ZSCAN5A: variants seen among roughly 807,000 people sequenced by gnomAD.
The protein encoded by ZSCAN5A is zinc finger and SCAN domain-containing protein 5A.
In ZSCAN5A, 12 loss-of-function variants were observed where a neutral mutation model predicts 23.7. The ratio of observed to expected loss-of-function variants is 0.51; its 90% CI spans 0.32 to 0.82. The LOEUF is 0.82. Ranked by LOEUF, ZSCAN5A falls within the 40% of genes least tolerant of loss-of-function variation. The pLI is 0.03. For missense variants in ZSCAN5A, 597 were observed against 617.9 expected, an observed-to-expected ratio of 0.97 and a Z score of 0.36; for synonymous variants, 257 against 239.9, an observed-to-expected ratio of 1.07 and a Z score of -0.66.
At chr19:56,346,049 G>A (rs1357565667) in intron 2 of ZSCAN5A, among the ~76,000 whole-genome samples, 2 of 151,650 alleles carry the variant, frequency 1.3e-5, no homozygotes, top group East Asian at 1.9e-4. Context: ...ACTATGTCAC[G>A]TTCCTCATGC....
chr19:56,269,225 C>T (rs1381977812), intron 2 of ZSCAN5A, among the ~76,000 whole-genome samples: 10 of 152,146 alleles, frequency 6.6e-5, no homozygotes, highest in Admixed American at 6.5e-4. Flanking sequence ...AGGGGCTATA[C>T]CAATTTACAT....
chr19:56,338,576 G>C (rs1429630749), intron 2 of ZSCAN5A: 1 of 152,268 alleles, frequency 6.6e-6, no homozygotes, highest in East Asian at 1.9e-4. Context: ...AAGGTCCCCA[G>C]AACCAAGAAG....
chr19:56,304,779 T>G, intron 2 of ZSCAN5A: 1 of 985,200 alleles, frequency 1.0e-6, no homozygotes, highest in Non-Finnish European at 1.2e-6. Context: ...CCCAGTTCAC[T>G]TTTTCCTCCC....
rs186701530 is a variant in ZSCAN5A, at chr19:56,350,997, C to T, written c.-358+12238G>A. ...GGAGAAGGCCCAATTGCTGTCCCCC[C>T]CCAACCACACGCCCCTTTTCAGCAG... On this transcript the variant is annotated intron_variant, in intron 2 of 6. Transcript: ENST00000587340. Among the ~76,000 whole-genome samples the T allele has an allele frequency of 1.3e-3, 191 of 152,050 alleles. 1 individual carries two copies. Among genetic ancestry groups the T allele is most frequent in the Middle Eastern group, 3.4e-3 (1 of 294 alleles).
At chr19:56,226,879 C>T (rs759793700) in intron 2 of ZSCAN5A, among the ~76,000 whole-genome samples, 2 of 151,938 alleles carry the variant, frequency 1.3e-5, no homozygotes, top group African/African-American at 2.4e-5. Flanking sequence ...TATACTCATG[C>T]AACAAATCTG....
chr19:56,335,410 AG>A (rs2041526026), intron 2 of ZSCAN5A, among the ~76,000 whole-genome samples: 1 of 152,148 alleles, frequency 6.6e-6, no homozygotes, highest in Non-Finnish European at 1.5e-5. Context: ...CAACCTAGCT[AG>A]CCAGGCCAAC....
chr19:56,261,657 C>G (rs1473922871), intron 2 of ZSCAN5A, among the ~76,000 whole-genome samples: 1 of 151,878 alleles, frequency 6.6e-6, no homozygotes, highest in Non-Finnish European at 1.5e-5. Context: ...CAAAATACAA[C>G]TGAAAAGTGT....
chr19:56,221,502 G>A lies in ZSCAN5A; in HGVS notation c.*73C>T. The A allele has an allele frequency of 6.6e-7, 1 of 1,513,308 alleles. No homozygotes were observed. The allele number at this position is 1,513,308 out of a possible 1,614,324, so 93.7% of individuals were successfully genotyped here. A position where few individuals can be genotyped will look rare whatever the true frequency, so the allele number is the denominator to read the frequency against. On this transcript the variant is annotated 3_prime_UTR_variant, in exon 6 of 6. Coordinates refer to ENST00000683990, the MANE Select transcript of ZSCAN5A (RefSeq NM_001322064.3). Reference sequence around the variant, plus strand: ...TCAGACGCCCTTGCATGTGTCAAATGTCATCTGATAACATTGATGAAAAAT... The same window carrying A: ...TCAGACGCCCTTGCATGTGTCAAATATCATCTGATAACATTGATGAAAAAT...
At chr19:56,304,316 C>T (rs940038287) in intron 2 of ZSCAN5A, among the ~76,000 whole-genome samples, 2 of 152,180 alleles carry the variant, frequency 1.3e-5, no homozygotes, top group Admixed American at 6.5e-5. Context: ...ACAGTGACTT[C>T]AGTTATGCTA....
intron 2 of ZSCAN5A, among the ~76,000 whole-genome samples, chr19:56,332,118 A>G (rs2041495265): frequency 6.6e-6 from 1 of 152,188 alleles, no homozygotes; most frequent in African/African-American, 2.4e-5. Flanking sequence ...TTCCATGTGC[A>G]GATGAGAAGA....
At chr19:56,263,877 T>C (rs2037290666) in intron 2 of ZSCAN5A, among the ~76,000 whole-genome samples, 1 of 152,116 alleles carries the variant, frequency 6.6e-6, no homozygotes, top group Non-Finnish European at 1.5e-5. Flanking sequence ...TTATATGCTA[T>C]ACATATTGCT....
intron 2 of ZSCAN5A, among the ~76,000 whole-genome samples, chr19:56,256,833 T>G (rs2036731114): frequency 6.6e-6 from 1 of 151,722 alleles, no homozygotes; most frequent in African/African-American, 2.4e-5. Context: ...GCAGAAGAAA[T>G]GTTTGAGAAG....
chr19:56,274,265 C>T (rs912803105), intron 2 of ZSCAN5A, among the ~76,000 whole-genome samples: 1 of 152,006 alleles, frequency 6.6e-6, no homozygotes, highest in Non-Finnish European at 1.5e-5. Context: ...ACCAGCCTGG[C>T]CAACATGGCG....
intron 2 of ZSCAN5A, among the ~76,000 whole-genome samples, chr19:56,255,259 G>A (rs1307987186): frequency 6.6e-5 from 10 of 152,058 alleles, no homozygotes; most frequent in African/African-American, 2.4e-4. Flanking sequence ...AATACACAAA[G>A]TGATATATAA....
At chr19:56,302,319 T>TC (rs1158862724) in intron 2 of ZSCAN5A, among the ~76,000 whole-genome samples, 4 of 127,326 alleles carry the variant, frequency 3.1e-5, no homozygotes, top group Admixed American at 8.3e-5. Flanking sequence ...TCTCCCTCCC[T>TC]CCCTCCCCTT....
intron 2 of ZSCAN5A, among the ~76,000 whole-genome samples, chr19:56,261,361 A>ATCT (rs1026160872): frequency 6.6e-6 from 1 of 152,196 alleles, no homozygotes; most frequent in African/African-American, 2.4e-5. Flanking sequence ...TAGAACAGGC[A>ATCT]TCTAATCTGC....
At chr19:56,340,400 G>A (rs548951816) in intron 2 of ZSCAN5A, among the ~76,000 whole-genome samples, 20 of 152,236 alleles carry the variant, frequency 1.3e-4, no homozygotes, top group African/African-American at 2.2e-4. Flanking sequence ...TTAGATTGTC[G>A]GATCTCCAGG....
At chr19:56,330,201 A>G (rs1195900015) in intron 2 of ZSCAN5A, among the ~76,000 whole-genome samples, 1 of 152,226 alleles carries the variant, frequency 6.6e-6, no homozygotes, top group Non-Finnish European at 1.5e-5. Context: ...TCCATGGTGT[A>G]TATGTACCAC....
intron 2 of ZSCAN5A, among the ~76,000 whole-genome samples, chr19:56,284,608 G>A (rs113648817): frequency 0.012 from 1,721 of 146,614 alleles, 34 homozygotes; most frequent in African/African-American, 0.041. Flanking sequence ...TCTGCCTCCC[G>A]GGTTCATGCC....
Sources: allele counts gnomAD v4.1 joint callset (sites outside exome capture counted in the v4.1 genomes callset), GRCh38; gene constraint gnomAD v4.1.1; transcripts MANE v1.5; gene names NCBI Gene and HGNC (gene_info 2026-07-23, HGNC 2026-07-21).